Variants in ADAM12 observed in about 807,000 individuals in gnomAD.
ADAM12 encodes ADAM metallopeptidase domain 12.
A neutral mutation model predicts 106.4 loss-of-function variants in ADAM12; 70 were observed. The observed-to-expected ratio is 0.66, with a 90% CI of 0.54 to 0.80. The LOEUF (loss-of-function observed/expected upper bound fraction) is 0.80, where lower values mean the gene tolerates loss of function less well. ADAM12 is among the 30% of genes least tolerant of loss of function. The pLI, the probability that ADAM12 is intolerant of heterozygous loss-of-function variation, is 0.00. For missense variants in ADAM12, 1,010 were observed against 1,171.9 expected, an observed-to-expected ratio of 0.86 and a Z score of 2.02; for synonymous variants, 420 against 433.5, an observed-to-expected ratio of 0.97 and a Z score of 0.39.
chr10:126,341,312 G>A (rs373620352), intron 1 of ADAM12, among the ~76,000 whole-genome samples: 1 of 152,248 alleles, frequency 6.6e-6, no homozygotes, highest in African/African-American at 2.4e-5. Context: ...CAAATTTACT[G>A]CTATATCTTC....
chr10:126,120,924 AT>A (rs373394526), intron 5 of ADAM12, among the ~76,000 whole-genome samples: 24 of 52,068 alleles, frequency 4.6e-4, no homozygotes, highest in Non-Finnish European at 7.9e-4. Context: ...ATGCAATATA[AT>A]TATATATTAT....
At chr10:126,156,646 A>C (rs1956820749) in intron 3 of ADAM12, among the ~76,000 whole-genome samples, 1 of 152,212 alleles carries the variant, frequency 6.6e-6, no homozygotes, top group Non-Finnish European at 1.5e-5. Flanking sequence ...GACATCCTCC[A>C]GCAGTAACAC....
At position 126,049,284 on chromosome 10, in the gene ADAM12, A is replaced by G; in HGVS notation, c.1886T>C (p.Val629Ala). The G allele has an allele frequency of 1.7e-5, 27 of 1,614,188 alleles. No homozygotes were observed. The highest frequency in any genetic ancestry group is 2.2e-5 in the Non-Finnish European group (26 of 1,180,038). Residue 629 changes from valine to alanine, a missense_variant, in exon 16 of 23, where the codon GTG (valine) becomes GCG (alanine). This residue lies in a region of ADAM12 where 615 missense variants were observed against 708.5 expected (regional missense o/e 0.87). Coordinates refer to ENST00000448723, the MANE Select transcript of ADAM12 (RefSeq NM_001288973.2). The surrounding 1 kb of genome is among the most constrained non-coding windows in gnomAD (Gnocchi z 4.4). The part of the protein sequence containing the change: ...LGDDMPDPGL[V>A]LAGTKCADGK... Reference sequence around the variant, plus strand: ...ATCTGCACACTTTGTGCCTGCAAGCACAAGCCCTGGGTCCGGCATGTCATC... The same window carrying G: ...ATCTGCACACTTTGTGCCTGCAAGCGCAAGCCCTGGGTCCGGCATGTCATC...
intron 7 of ADAM12, 69 bp downstream of exon 7, chr10:126,109,706 C>T: frequency 7.0e-7 from 1 of 1,433,978 alleles, no homozygotes; most frequent in Non-Finnish European, 9.6e-7. Context: ...CAAGTAATAA[C>T]TTGCAAAACA....
At chr10:126,214,860 G>A (rs1481679683) in intron 3 of ADAM12, among the ~76,000 whole-genome samples, 1 of 152,122 alleles carries the variant, frequency 6.6e-6, no homozygotes, top group Non-Finnish European at 1.5e-5. Context: ...CACCTCTCAC[G>A]CCCGCTGGCT....
intron 1 of ADAM12, among the ~76,000 whole-genome samples, chr10:126,365,829 C>G (rs997493273): frequency 6.6e-6 from 1 of 152,126 alleles, no homozygotes; most frequent in Admixed American, 6.5e-5. Context: ...AGGAGCACAG[C>G]GATTGGAAAG....
Position 126,330,485 on chromosome 10 carries a change from C to A in ADAM12, c.113G>T (p.Arg38Ile). The A allele has an allele frequency of 6.2e-7, 1 of 1,613,878 alleles. No homozygotes were observed. The highest frequency in any genetic ancestry group is 1.6e-4 in the Middle Eastern group (1 of 6,062). The change falls in exon 2 of 23, where the codon AGA (arginine) becomes ATA (isoleucine). Residue 38 changes from arginine to isoleucine, a missense_variant. By Grantham distance (97) the Arg-to-Ile change is moderately conservative (BLOSUM62 -3). Coordinates refer to ENST00000448723, the MANE Select transcript of ADAM12 (RefSeq NM_001288973.2). ...AGAGGCACTGACAACTTCATCAGCT[C>A]TTCCTTGGTTCCATAAGCTCACCCC... ...ARGVSLWNQGRADEVVSASVG... is the reference protein window; with the variant it reads ...ARGVSLWNQGIADEVVSASVG...
intron 6 of ADAM12, among the ~76,000 whole-genome samples, chr10:126,115,828 T>C (rs1441592520): frequency 1.3e-5 from 2 of 152,166 alleles, no homozygotes; most frequent in Non-Finnish European, 2.9e-5. Context: ...TTACCGTAGG[T>C]GCTAACCAAA....
Position 126,096,144 on chromosome 10 carries a change from G to A in ADAM12, c.997-2011C>T, listed in dbSNP as rs144284186. Among the ~76,000 whole-genome samples, 434 of 152,268 alleles carry A rather than the reference G, an allele frequency of 2.9e-3. 5 individuals carry two copies. The highest frequency in any genetic ancestry group is 0.01 in the African/African-American group (417 of 41,552). ...AATATGTTTCAGGAAATCGGTTCTC[G>A]AAAATAACACAATGGTGAAGAGAAT... On this transcript the variant is annotated intron_variant, in intron 10 of 22. Coordinates refer to ENST00000448723, the MANE Select transcript of ADAM12 (RefSeq NM_001288973.2).
At chr10:126,179,906 C>T (rs1449655127) in intron 3 of ADAM12, among the ~76,000 whole-genome samples, 4 of 152,100 alleles carry the variant, frequency 2.6e-5, no homozygotes, top group South Asian at 2.1e-4. Context: ...GATGTGGTGA[C>T]CGCACACCAA....
intron 3 of ADAM12, among the ~76,000 whole-genome samples, chr10:126,250,677 C>A (rs1289136281): frequency 1.3e-5 from 2 of 152,082 alleles, no homozygotes; most frequent in African/African-American, 2.4e-5. Flanking sequence ...TTTGTTGAGA[C>A]CATTGTAGAT....
chr10:126,034,369 A>G (rs1954021269), intron 21 of ADAM12, among the ~76,000 whole-genome samples: 1 of 152,226 alleles, frequency 6.6e-6, no homozygotes, highest in South Asian at 2.1e-4. Flanking sequence ...ATTCAGTACA[A>G]TATGTCAAAA....
At chr10:126,341,170 C>T (rs370128934) in intron 1 of ADAM12, among the ~76,000 whole-genome samples, 4 of 152,158 alleles carry the variant, frequency 2.6e-5, no homozygotes, top group Admixed American at 1.3e-4. Flanking sequence ...AGTTGCTTCC[C>T]GGCCCGTCAT....
chr10:126,135,068 T>C (rs75366246), intron 5 of ADAM12, among the ~76,000 whole-genome samples: 4,125 of 152,338 alleles, frequency 0.027, 123 homozygotes, highest in East Asian at 0.12. Flanking sequence ...GGGAAGGTAA[T>C]TGTTTCCTGC....
chr10:126,351,117 A>G (rs1855338154), intron 1 of ADAM12, among the ~76,000 whole-genome samples: 1 of 152,206 alleles, frequency 6.6e-6, no homozygotes. Flanking sequence ...GTCCACGGGC[A>G]GTGCCCTCAG....
intron 3 of ADAM12, among the ~76,000 whole-genome samples, chr10:126,227,118 C>A (rs1203622052): frequency 6.6e-6 from 1 of 152,094 alleles, no homozygotes; most frequent in East Asian, 1.9e-4. Context: ...AACATCACCA[C>A]CACCATTACC....
chr10:126,168,824 G>A (rs889895813), intron 3 of ADAM12, among the ~76,000 whole-genome samples: 4 of 152,068 alleles, frequency 2.6e-5, no homozygotes, highest in Non-Finnish European at 5.9e-5. Context: ...AGGCTGAGGC[G>A]GGCGGATCAC....
At chr10:126,190,785 A>G (rs947432603) in intron 3 of ADAM12, among the ~76,000 whole-genome samples, 1 of 152,110 alleles carries the variant, frequency 6.6e-6, no homozygotes, top group Non-Finnish European at 1.5e-5. Context: ...CCTTGTGGAC[A>G]GGTTTGGGGA....
intron 1 of ADAM12, among the ~76,000 whole-genome samples, chr10:126,350,466 G>A (rs370223306): frequency 1.3e-3 from 199 of 152,300 alleles, no homozygotes; most frequent in Non-Finnish European, 1.6e-3. Context: ...ATTCAGCCCC[G>A]GGACAGAGAC....
Sources: gnomAD v4.1 joint callset for allele counts (sites outside exome capture counted in the v4.1 genomes callset) on GRCh38, gnomAD v4.1.1 for gene constraint, gnomAD v4.1.1 regional missense constraint, Gnocchi (gnomAD v3.1) non-coding constraint, MANE v1.5 for transcripts, NCBI Gene and HGNC (gene_info 2026-07-23, HGNC 2026-07-21) for gene names.